ARHGAP29: variants seen among roughly 807,000 people sequenced by gnomAD.
ARHGAP29 encodes the protein rho GTPase-activating protein 29.
A neutral mutation model predicts 122.6 loss-of-function variants in ARHGAP29; 43 were observed. That is an observed-to-expected ratio of 0.35 (90% CI 0.27 to 0.45). ARHGAP29 has a LOEUF of 0.45. Among genes scored for constraint, ARHGAP29 ranks in the 20% least tolerant of loss-of-function variants. The probability of loss-of-function intolerance (pLI) is 1.00; values close to 1 mark genes in which losing one functional copy is unlikely to be tolerated. For missense variants in ARHGAP29, 1,303 were observed against 1,477.2 expected, an observed-to-expected ratio of 0.88 and a Z score of 1.93; for synonymous variants, 506 against 497.1, an observed-to-expected ratio of 1.02 and a Z score of -0.24.
Position 94,177,980 on chromosome 1 carries a change from G to A in ARHGAP29, c.2668C>T (p.Leu890=). 1 of 1,614,158 alleles carries A rather than the reference G, an allele frequency of 6.2e-7. No homozygotes were observed. Among genetic ancestry groups the A allele is most frequent in the Non-Finnish European group, 8.5e-7 (1 of 1,180,024 alleles). ...TYSQKIFDGS[L]QPQDVMCSIG... ...CTACACATAACATCTTGTGGTTGTA[G>A]GGACCCATCGAAGATCTTCTGTGAG... The change falls in exon 21 of 23, where the codon CTA becomes TTA. Residue 890 remains leucine (L), a synonymous_variant. Coordinates refer to ENST00000260526, the MANE Select transcript of ARHGAP29 (RefSeq NM_004815.4).
At chr1:94,231,856 C>T (rs752031823) in intron 1 of ARHGAP29, among the ~76,000 whole-genome samples, 5 of 151,956 alleles carry the variant, frequency 3.3e-5, no homozygotes, top group African/African-American at 7.3e-5. Flanking sequence ...CCAGTAATTC[C>T]GACAACTCTG....
In ARHGAP29 at chr1:94,236,501, GGA is replaced by G. The variant is rs375883975; in HGVS notation, c.-33+912_-33+913del. On this transcript the variant is annotated intron_variant, in intron 1 of 22. Transcript: ENST00000260526. ...AAGAGATACAGTCACAGAGACAGAT[GGA>G]GAGAAGGGAAGGAGAGCTCAGCTCC... 1.9e-4 allele frequency among the ~76,000 whole-genome samples: 29 copies of G among 152,260 alleles called. No homozygotes were observed. In the South Asian group the frequency reaches 3.5e-3, roughly 19 times the overall value.
chr1:94,245,721 G>A (rs908340213), intron 1 of ARHGAP29, among the ~76,000 whole-genome samples: 2 of 152,100 alleles, frequency 1.3e-5, no homozygotes, highest in South Asian at 4.2e-4. Flanking sequence ...TATTGCTACC[G>A]AAGATGCAAA....
intron 1 of ARHGAP29, among the ~76,000 whole-genome samples, chr1:94,268,419 A>G (rs1654858977): frequency 6.6e-6 from 1 of 152,042 alleles, no homozygotes; most frequent in African/African-American, 2.4e-5. Flanking sequence ...GCACACACAC[A>G]CATTGGCATC....
intron 14 of ARHGAP29, 56 bp downstream of exon 14, chr1:94,189,160 C>T (rs1253577580): frequency 1.9e-6 from 3 of 1,542,254 alleles, no homozygotes; most frequent in African/African-American, 1.4e-5. Flanking sequence ...TTAACAATCA[C>T]ATTCGAACAA....
In ARHGAP29 at chr1:94,237,300, C is replaced by A. The variant is rs1371506969; in HGVS notation, c.-33+115G>T. On this transcript the variant is annotated intron_variant, in intron 1 of 22. Transcript: ENST00000260526. ...AGCCTGCCACCGCTTCCACTCGGGGCCGCCCCGCGGGCCTCCCGGACCCTG... is the reference window on the plus strand; with the variant it reads ...AGCCTGCCACCGCTTCCACTCGGGGACGCCCCGCGGGCCTCCCGGACCCTG... The A allele has an allele frequency of 8.3e-6, 6 of 725,094 alleles. No individual in the cohort carries two copies. The East Asian group carries it at 7.9e-4, about 96-fold the overall frequency. The allele number at this position is 725,094 out of a possible 1,614,324, so 44.9% of individuals were successfully genotyped here.
chr1:94,279,646 C>T (rs1655288193), upstream of ARHGAP29, among the ~76,000 whole-genome samples: 1 of 152,174 alleles, frequency 6.6e-6, no homozygotes, highest in Non-Finnish European at 1.5e-5. Context: ...CATACTTATG[C>T]TTCATTGTTC....
intron 16 of ARHGAP29, 135 bp from the exon 17 acceptor site, chr1:94,185,616 T>C (rs563699673): frequency 1.3e-6 from 1 of 742,950 alleles, no homozygotes; most frequent in African/African-American, 1.8e-5. Context: ...AATATCAAAA[T>C]AGCTAGTTAG....
chr1:94,237,343 G>C, intron 1 of ARHGAP29, 72 bp downstream of exon 1: 1 of 959,066 alleles, frequency 1.0e-6, no homozygotes, highest in Non-Finnish European at 1.2e-6. Flanking sequence ...ATTCGCGGGC[G>C]CTCGCGCGGG....
intron 1 of ARHGAP29, among the ~76,000 whole-genome samples, chr1:94,265,820 G>A (rs1435509662): frequency 6.6e-6 from 1 of 152,186 alleles, no homozygotes; most frequent in Non-Finnish European, 1.5e-5. Flanking sequence ...GTTCTACAAG[G>A]TGAGAGGCTG....
intron 2 of ARHGAP29, among the ~76,000 whole-genome samples, chr1:94,225,486 A>C (rs2101598733): frequency 6.6e-6 from 1 of 152,212 alleles, no homozygotes; most frequent in African/African-American, 2.4e-5. Flanking sequence ...ACCTTTGAAA[A>C]CAGATTTGCC....
the ARHGAP29 span, among the ~76,000 whole-genome samples, chr1:94,297,016 G>A: frequency 6.6e-6 from 1 of 152,172 alleles, no homozygotes; most frequent in African/African-American, 2.4e-5. Context: ...AATGGTGAAA[G>A]TTTCGGCCAG....
Position 94,174,642 on chromosome 1 carries a change from T to C in ARHGAP29, c.3013A>G (p.Asn1005Asp). ...LSLKSDRSTN[N>D]VERHTPRTKI... ...GTCCTTGGAGTATGCCTCTCCACAT[T>C]GTTTGTTGACCTATCAGATTTCAGA... The change falls in exon 23 of 23, where the codon AAT becomes GAT. Residue 1005 changes from asparagine (N) to aspartate (D), a missense_variant. By Grantham distance (23) the Asn-to-Asp change is conservative (BLOSUM62 1). Coordinates refer to ENST00000260526, the MANE Select transcript of ARHGAP29 (RefSeq NM_004815.4). 6.2e-7 allele frequency: 1 copy of C among 1,614,088 alleles called. No homozygotes were observed. The highest frequency in any genetic ancestry group is 1.1e-5 in the South Asian group (1 of 91,070).
chr1:94,244,107 A>G (rs1011470933), intron 1 of ARHGAP29, among the ~76,000 whole-genome samples: 3 of 151,928 alleles, frequency 2.0e-5, no homozygotes, highest in African/African-American at 4.8e-5. Context: ...AAATAATCCT[A>G]TACAAACTCT....
intron 2 of ARHGAP29, among the ~76,000 whole-genome samples, chr1:94,222,686 C>A (rs966199632): frequency 6.6e-6 from 1 of 152,048 alleles, no homozygotes; most frequent in South Asian, 2.1e-4. Context: ...TAGAGGAAAT[C>A]TATGGAAATC....
At chr1:94,254,372 A>G (rs190779713) in intron 1 of ARHGAP29, among the ~76,000 whole-genome samples, 69 of 152,360 alleles carry the variant, frequency 4.5e-4, no homozygotes, top group African/African-American at 1.4e-3. Context: ...TACCTGTTAC[A>G]TAACATCACT....
intron 2 of ARHGAP29, among the ~76,000 whole-genome samples, chr1:94,222,413 C>T (rs192587456): frequency 1.1e-4 from 16 of 152,276 alleles, no homozygotes; most frequent in African/African-American, 3.8e-4. Context: ...ATTGACAAAT[C>T]ACATTCAAGG....
At chr1:94,190,800 G>A (rs1476283861) in intron 12 of ARHGAP29, 4 of 152,096 alleles carry the variant, frequency 2.6e-5, no homozygotes, top group Non-Finnish European at 5.9e-5. Flanking sequence ...GTTCTCCTGA[G>A]GGTGGTACGC....
the ARHGAP29 span, among the ~76,000 whole-genome samples, chr1:94,280,828 T>A: frequency 1.3e-5 from 2 of 152,180 alleles, no homozygotes; most frequent in African/African-American, 4.8e-5. Context: ...TACAACTCAA[T>A]TCTCAAACTA....
Sources: allele counts gnomAD v4.1 joint callset (sites outside exome capture counted in the v4.1 genomes callset), GRCh38; gene constraint gnomAD v4.1.1; transcripts MANE v1.5; gene names NCBI Gene and HGNC (gene_info 2026-07-23, HGNC 2026-07-21).